SLC9C2: variants seen among roughly 807,000 people sequenced by gnomAD.
The protein encoded by SLC9C2 is sodium/hydrogen exchanger 11.
In SLC9C2, 75 loss-of-function variants were observed where a neutral mutation model predicts 140.2. That is an observed-to-expected ratio of 0.53 (90% CI 0.44 to 0.65). SLC9C2 has a LOEUF of 0.65. SLC9C2 is among the 30% of genes least tolerant of loss of function. The pLI is 0.00. For synonymous variants in SLC9C2, 375 were observed against 420.9 expected, an observed-to-expected ratio of 0.89 and a Z score of 1.34; for missense variants, 1,074 against 1,331.8, an observed-to-expected ratio of 0.81 and a Z score of 3.01.
At chr1:173,501,876 G>A (rs1367523757) in intron 27 of SLC9C2, among the ~76,000 whole-genome samples, 1 of 152,116 alleles carries the variant, frequency 6.6e-6, no homozygotes, top group Non-Finnish European at 1.5e-5. Flanking sequence ...ATATTCTGCA[G>A]ACTACCTTGA....
At chr1:173,595,988 C>G (rs907944598) in intron 4 of SLC9C2, among the ~76,000 whole-genome samples, 3 of 152,152 alleles carry the variant, frequency 2.0e-5, no homozygotes, top group Non-Finnish European at 4.4e-5. Flanking sequence ...TCCAGACCTA[C>G]AGTTTTGCCA....
At chr1:173,576,632 T>A (rs1440272401) in intron 8 of SLC9C2, 29 bp downstream of exon 8, 1 of 1,429,148 alleles carries the variant, frequency 7.0e-7, no homozygotes, top group Admixed American at 1.8e-5. Context: ...TGCTATGAGA[T>A]CCATCGAAGG....
intron 4 of SLC9C2, among the ~76,000 whole-genome samples, chr1:173,593,980 A>G (rs530160069): frequency 6.6e-6 from 1 of 152,336 alleles, no homozygotes; most frequent in Admixed American, 6.5e-5. Flanking sequence ...GGTGGATAAA[A>G]GGTAACTACT....
At position 173,510,062 on chromosome 1, in the gene SLC9C2, A is replaced by G. The variant is rs567357637; in HGVS notation, c.2908-363T>C. Among the ~76,000 whole-genome samples, 9 of 152,264 alleles carry G rather than the reference A, an allele frequency of 5.9e-5. No homozygotes were observed. In the South Asian group the frequency reaches 1.9e-3, roughly 32 times the overall value. The stretch of plus-strand genomic sequence containing the variant: ...TAGATAACATGAGCTCATTCACAGT[A>G]TTTGTTTCCAGAGGCAAATAGTTTA... On this transcript the variant is annotated intron_variant, in intron 23 of 27. Coordinates refer to ENST00000367714, the MANE Select transcript of SLC9C2 (RefSeq NM_178527.4).
chr1:173,538,532 G>C (rs1015663652), intron 13 of SLC9C2, among the ~76,000 whole-genome samples: 4 of 152,162 alleles, frequency 2.6e-5, no homozygotes, highest in Admixed American at 2.6e-4. Flanking sequence ...TGGGGCAGGG[G>C]AAAAGTTAGA....
At chr1:173,579,681 T>C (rs2102209143) in intron 7 of SLC9C2, among the ~76,000 whole-genome samples, 1 of 152,366 alleles carries the variant, frequency 6.6e-6, no homozygotes, top group East Asian at 1.9e-4. Flanking sequence ...TCAGACTTCA[T>C]AATGCTCAAA....
chr1:173,524,503 A>G (rs1661059341), intron 20 of SLC9C2, among the ~76,000 whole-genome samples: 1 of 152,206 alleles, frequency 6.6e-6, no homozygotes, highest in Admixed American at 6.5e-5. Flanking sequence ...TGTGGGTTCT[A>G]TAAAGTACTC....
intron 7 of SLC9C2, among the ~76,000 whole-genome samples, chr1:173,581,516 G>C (rs990823447): frequency 6.6e-6 from 1 of 152,122 alleles, no homozygotes; most frequent in African/African-American, 2.4e-5. Context: ...GTTTGCAGAT[G>C]GTTTGTTCTG....
intron 18 of SLC9C2, among the ~76,000 whole-genome samples, chr1:173,527,110 G>A (rs1661257384): frequency 6.6e-6 from 1 of 152,134 alleles, no homozygotes; most frequent in Non-Finnish European, 1.5e-5. Context: ...CTCCCAAAGT[G>A]CTGGGATTAC....
chr1:173,602,833 G>A lies in SLC9C2; in HGVS notation c.-162C>T, dbSNP rs1280493005. 1.3e-5 allele frequency: 2 copies of A among 152,170 alleles called. No individual in the cohort carries two copies. Among genetic ancestry groups the A allele is most frequent in the Admixed American group, 6.5e-5 (1 of 15,276 alleles). The allele number at this position is 152,170 out of a possible 1,614,324, so 9.4% of individuals were successfully genotyped here. On this transcript the variant is annotated 5_prime_UTR_variant, in exon 1 of 28. Transcript: ENST00000367714. ...GATGGGCCAGAAAGAGATTCAAAAT[G>A]CTACATCTTCAAATCACTTCACCTG...
intron 9 of SLC9C2, among the ~76,000 whole-genome samples, chr1:173,568,379 G>A (rs922476134): frequency 8.0e-5 from 12 of 149,154 alleles, no homozygotes; most frequent in Middle Eastern, 3.4e-3. Flanking sequence ...ATAACATGTA[G>A]TGTTTGGTTT....
At chr1:173,557,759 C>T (rs1386651494) in intron 9 of SLC9C2, among the ~76,000 whole-genome samples, 1 of 152,078 alleles carries the variant, frequency 6.6e-6, no homozygotes, top group African/African-American at 2.4e-5. Context: ...ATCATCAACA[C>T]TACTGTATAC....
At chr1:173,573,350 C>T (rs753368430) in intron 8 of SLC9C2, 25 bp from the exon 9 acceptor site, 1 of 1,393,404 alleles carries the variant, frequency 7.2e-7, no homozygotes, top group Admixed American at 2.3e-5. Flanking sequence ...ATAGAAATGA[C>T]ATTTTAAGCA....
At chr1:173,558,756 C>T (rs115914027) in intron 9 of SLC9C2, among the ~76,000 whole-genome samples, 85 of 152,274 alleles carry the variant, frequency 5.6e-4, no homozygotes, top group African/African-American at 2.0e-3. Flanking sequence ...CGTGTATTCC[C>T]ATTTCTCTAT....
intron 8 of SLC9C2, among the ~76,000 whole-genome samples, chr1:173,575,900 G>A (rs527574489): frequency 2.0e-5 from 3 of 152,042 alleles, no homozygotes; most frequent in Admixed American, 1.3e-4. Context: ...TCATTTTGCC[G>A]AGTAGAAAAG....
chr1:173,567,610 T>C (rs1361016928), intron 9 of SLC9C2, among the ~76,000 whole-genome samples: 2 of 152,098 alleles, frequency 1.3e-5, no homozygotes, highest in Non-Finnish European at 2.9e-5. Context: ...TTATTATTAA[T>C]TCATCCACTC....
At chr1:173,533,358 C>T (rs553190262) in intron 17 of SLC9C2, among the ~76,000 whole-genome samples, 110 of 152,294 alleles carry the variant, frequency 7.2e-4, no homozygotes, top group African/African-American at 2.5e-3. Flanking sequence ...CAGCTCACTG[C>T]AGCCTCACCT....
At position 173,500,798 on chromosome 1, in the gene SLC9C2, T is replaced by C. The variant is rs1270062580; in HGVS notation, c.*296A>G. ...AATGCACTATGTTAAAATTTGCTCT[T>C]AGCTGGAAACAGGGTTTCATTTGGT... On this transcript the variant is annotated 3_prime_UTR_variant, in exon 28 of 28. Transcript: ENST00000367714. 4.8e-6 allele frequency: 1 copy of C among 207,040 alleles called. No individual in the cohort carries two copies. The highest frequency in any genetic ancestry group is 2.3e-5 in the African/African-American group (1 of 43,822). 12.8% of individuals were successfully genotyped at this position (207,040 alleles called of 1,614,324 possible).
At chr1:173,535,273 A>G (rs936423560) in intron 15 of SLC9C2, among the ~76,000 whole-genome samples, 1 of 152,170 alleles carries the variant, frequency 6.6e-6, no homozygotes, top group Non-Finnish European at 1.5e-5. Flanking sequence ...TTGTTTTGGC[A>G]TGTTCTATTG....
Sources: gnomAD v4.1 joint callset for allele counts (sites outside exome capture counted in the v4.1 genomes callset) on GRCh38, gnomAD v4.1.1 for gene constraint, MANE v1.5 for transcripts, NCBI Gene and HGNC (gene_info 2026-07-23, HGNC 2026-07-21) for gene names.